DTNBP1: variants seen among roughly 807,000 people sequenced by gnomAD.
The protein encoded by DTNBP1 is dysbindin.
DTNBP1 carries 35 observed loss-of-function variants against 42.8 expected under a neutral mutation model. The ratio of observed to expected loss-of-function variants is 0.82; its 90% CI spans 0.63 to 1.09. DTNBP1 has a LOEUF of 1.09. DTNBP1 is among the 50% of genes least tolerant of loss of function. DTNBP1 has a pLI of 0.00. For synonymous variants in DTNBP1, 171 were observed against 162.2 expected (o/e 1.05, Z -0.41); for missense variants, 457 against 424.2 (o/e 1.08, Z -0.68).
chr6:15,536,889 G>A (rs1019391175), intron 7 of DTNBP1, among the ~76,000 whole-genome samples: 2 of 152,260 alleles, frequency 1.3e-5, no homozygotes, highest in African/African-American at 4.8e-5. Context: ...TGGAAGTAAG[G>A]CATGAAGTCA....
rs191399391 is a variant in DTNBP1, at chr6:15,556,317, G to A, written c.512-22922C>T. On this transcript the variant is annotated intron_variant, in intron 7 of 9. Coordinates refer to ENST00000344537, the MANE Select transcript of DTNBP1 (RefSeq NM_032122.5). ...CTGCCCCAGCCTCCTGAGTAGCTGG[G>A]ATTACAGCCATGCGCCACCAAGCCC... Among the ~76,000 whole-genome samples the A allele has an allele frequency of 6.4e-4, 98 of 152,128 alleles. No homozygotes were observed. The East Asian group carries it at 0.016, about 25-fold the overall frequency.
chr6:15,554,616 G>C (rs1248116033), intron 7 of DTNBP1, among the ~76,000 whole-genome samples: 1 of 152,128 alleles, frequency 6.6e-6, no homozygotes, highest in African/African-American at 2.4e-5. Context: ...AGGGGCAGAG[G>C]GAACAGAAAT....
chr6:15,585,627 T>C lies in DTNBP1; in HGVS notation c.511+7432A>G, dbSNP rs530034286. 1.1e-4 allele frequency: 157 copies of C among 1,424,468 alleles called. No homozygotes were observed. In the African/African-American group the frequency reaches 2.1e-3, roughly 19 times the overall value. 88.2% of individuals were successfully genotyped at this position (1,424,468 alleles called of 1,614,324 possible). ...GCTTTTTAATAATATATCATCTGCA[T>C]ACCATGCAAATACAGCAATGTATCC... On this transcript the variant is annotated intron_variant, in intron 7 of 9. Transcript: ENST00000344537.
Position 15,564,224 on chromosome 6 carries a change from A to T in DTNBP1, c.511+28835T>A, listed in dbSNP as rs537824275. ...ACTTGCCATGTGCATCGGGCAAGGA[A>T]CCTACTACTGTTACACTTTTGCCCT... On this transcript the variant is annotated intron_variant, in intron 7 of 9. Transcript: ENST00000344537. Among the ~76,000 whole-genome samples, 27 of 152,192 alleles carry T rather than the reference A, an allele frequency of 1.8e-4. No individual in the cohort carries two copies. In the South Asian group the frequency reaches 5.6e-3, roughly 32 times the overall value.
intron 6 of DTNBP1, among the ~76,000 whole-genome samples, chr6:15,607,968 C>T (rs549003351): frequency 6.6e-6 from 1 of 152,098 alleles, no homozygotes; most frequent in African/African-American, 2.4e-5. Flanking sequence ...CTGGCATTTA[C>T]CTCTGTTATT....
chr6:15,616,055 C>T (rs1758697172), intron 5 of DTNBP1, among the ~76,000 whole-genome samples: 1 of 152,208 alleles, frequency 6.6e-6, no homozygotes, highest in African/African-American at 2.4e-5. Flanking sequence ...CCCACTCAAA[C>T]CTTTCACTGA....
chr6:15,524,271 CAAGA>C (rs1772183092), intron 9 of DTNBP1: 2 of 1,603,940 alleles, frequency 1.2e-6, no homozygotes, highest in Admixed American at 3.4e-5. Flanking sequence ...GGAAAACAAA[CAAGA>C]AAGCTCTCAA....
intron 5 of DTNBP1, among the ~76,000 whole-genome samples, chr6:15,619,771 T>C (rs904158848): frequency 6.6e-6 from 1 of 152,192 alleles, no homozygotes; most frequent in Non-Finnish European, 1.5e-5. Context: ...ATTTTCTCTT[T>C]TTATCCTCCT....
rs1339151709 is a variant in DTNBP1, at chr6:15,654,416, CATT to C, written c.57-2279_57-2277del. On this transcript the variant is annotated intron_variant, in intron 1 of 9. Transcript: ENST00000344537. ...TGCCTCATACTCAAAATGATTCTCGCATTATTTTTAGTGATTCAGGAGAATTCT... is the reference window on the plus strand; with the variant it reads ...TGCCTCATACTCAAAATGATTCTCGCATTTTTAGTGATTCAGGAGAATTCT... Among the ~76,000 whole-genome samples, 4 of 152,178 alleles carry C rather than the reference CATT, an allele frequency of 2.6e-5. No homozygotes were observed. The East Asian group carries it at 7.7e-4, about 29-fold the overall frequency.
chr6:15,617,874 T>C (rs539087151), intron 5 of DTNBP1, among the ~76,000 whole-genome samples: 2 of 151,844 alleles, frequency 1.3e-5, no homozygotes, highest in East Asian at 3.9e-4. Flanking sequence ...ATAGACAAAC[T>C]AGACTGTATC....
At chr6:15,614,887 C>T (rs1487801214) in intron 6 of DTNBP1, among the ~76,000 whole-genome samples, 1 of 152,216 alleles carries the variant, frequency 6.6e-6, no homozygotes, top group African/African-American at 2.4e-5. Flanking sequence ...CCCCTTTCCA[C>T]AGCCTGAGCT....
rs541269366 is a variant in DTNBP1, at chr6:15,527,780, T to C, written c.668-3111A>G. ...AAAGGCACATGAACAATTTTAAACA[T>C]GCAAAAGCAAGCCTAACCAGGAACA... On this transcript the variant is annotated intron_variant, in intron 8 of 9. Transcript: ENST00000344537. Among the ~76,000 whole-genome samples the C allele has an allele frequency of 2.6e-5, 4 of 152,272 alleles. No individual in the cohort carries two copies. In the South Asian group the frequency reaches 8.3e-4, roughly 32 times the overall value.
chr6:15,567,947 T>G (rs1347773602), intron 7 of DTNBP1, among the ~76,000 whole-genome samples: 1 of 152,184 alleles, frequency 6.6e-6, no homozygotes, highest in African/African-American at 2.4e-5. Flanking sequence ...CGAGTTGCTA[T>G]GCGGATTAAT....
At chr6:15,533,599 C>T (rs896146819) in intron 7 of DTNBP1, 1 of 820,700 alleles carries the variant, frequency 1.2e-6, no homozygotes, top group Admixed American at 2.0e-5. Flanking sequence ...CGGTCAGGGT[C>T]AGGCCCTTCG....
chr6:15,592,998 A>G lies in DTNBP1; in HGVS notation c.511+61T>C, dbSNP rs561025482. The G allele has an allele frequency of 4.2e-5, 60 of 1,440,092 alleles. No homozygotes were observed. The East Asian group carries it at 1.3e-3, about 32-fold the overall frequency. The allele number at this position is 1,440,092 out of a possible 1,614,324, so 89.2% of individuals were successfully genotyped here. On this transcript the variant is annotated intron_variant, in intron 7 of 9. Coordinates refer to ENST00000344537, the MANE Select transcript of DTNBP1 (RefSeq NM_032122.5). ...AATGAGTTTGTTCATCATTGTCGAG[A>G]GAACATCTGATACCAATGAACTCTC...
chr6:15,556,409 T>C (rs1255250830), intron 7 of DTNBP1, among the ~76,000 whole-genome samples: 2 of 152,156 alleles, frequency 1.3e-5, no homozygotes, highest in Non-Finnish European at 2.9e-5. Context: ...ATTGAACTCC[T>C]GACCTCGTGA....
chr6:15,530,130 G>A (rs540054961), intron 8 of DTNBP1, among the ~76,000 whole-genome samples: 2 of 152,274 alleles, frequency 1.3e-5, no homozygotes, highest in Non-Finnish European at 2.9e-5. Context: ...AGTGGAATGA[G>A]TCCAAAACAC....
At chr6:15,660,597 C>T (rs893149184) in intron 1 of DTNBP1, 14 of 1,266,316 alleles carry the variant, frequency 1.1e-5, no homozygotes, top group African/African-American at 4.6e-5. Flanking sequence ...CCCCAGACTA[C>T]GGCATCTTTA....
intron 7 of DTNBP1, among the ~76,000 whole-genome samples, chr6:15,562,797 CTT>C (rs888814479): frequency 5.3e-5 from 8 of 152,184 alleles, no homozygotes; most frequent in African/African-American, 1.9e-4. Flanking sequence ...CCCTAATACT[CTT>C]AATCTGCGTA....
Sources: allele counts gnomAD v4.1 joint callset (sites outside exome capture counted in the v4.1 genomes callset), GRCh38; gene constraint gnomAD v4.1.1; transcripts MANE v1.5; gene names NCBI Gene and HGNC (gene_info 2026-07-23, HGNC 2026-07-21).